Variants in VPS13A observed in about 807,000 individuals in gnomAD.
VPS13A encodes intermembrane lipid transfer protein VPS13A.
A neutral mutation model predicts 390.9 loss-of-function variants in VPS13A; 264 were observed. The ratio of observed to expected loss-of-function variants is 0.68; its 90% confidence interval spans 0.61 to 0.75. The LOEUF (loss-of-function observed/expected upper bound fraction) is 0.75. Ranked by LOEUF, VPS13A falls within the 30% of genes least tolerant of loss-of-function variation. VPS13A has a pLI of 0.00. For synonymous variants in VPS13A, 1,231 were observed against 1,227.1 expected (o/e 1.00, Z -0.07); for missense variants, 3,409 against 3,733.9 (o/e 0.91, Z 2.27).
chr9:77,252,867 A>G (rs1221072284), intron 22 of VPS13A, among the ~76,000 whole-genome samples: 1 of 152,132 alleles, frequency 6.6e-6, no homozygotes, highest in Non-Finnish European at 1.5e-5. Flanking sequence ...TGTTGTATAT[A>G]CTATGTTTTT....
chr9:77,186,498 C>T (rs1014615253), intron 1 of VPS13A, among the ~76,000 whole-genome samples: 3 of 151,878 alleles, frequency 2.0e-5, no homozygotes, highest in Non-Finnish European at 2.9e-5. Context: ...AGTGCAGTGG[C>T]GCAGTCTCTG....
rs77433197 is a variant in VPS13A at position 77,221,596 on chromosome 9, A to C, written c.1161+240A>C. On this transcript the variant is annotated intron_variant, in intron 13 of 71. Coordinates refer to ENST00000360280, the MANE Select transcript of VPS13A (RefSeq NM_033305.3). ...AATCGGAAGGAATTTGGGTTCATGC[A>C]AATAGTATGATTATGTCATTTTTAA... Among the ~76,000 whole-genome samples, 651 of 152,300 alleles carry C rather than the reference A, an allele frequency of 4.3e-3. 4 individuals carry two copies. Among genetic ancestry groups the C allele is most frequent in the African/African-American group, 0.014 (575 of 41,584 alleles).
intron 3 of VPS13A, among the ~76,000 whole-genome samples, chr9:77,202,899 T>A (rs1412725719): frequency 1.3e-5 from 2 of 152,166 alleles, no homozygotes; most frequent in Non-Finnish European, 2.9e-5. Flanking sequence ...CACTGTTTTT[T>A]CCCCCTTCTA....
intron 71 of VPS13A, among the ~76,000 whole-genome samples, chr9:77,413,843 A>C (rs995718850): frequency 6.6e-6 from 1 of 152,224 alleles, no homozygotes; most frequent in Admixed American, 6.5e-5. Flanking sequence ...CAATCTACTC[A>C]TCTGACAAAG....
Position 77,274,168 on chromosome 9 carries a change from G to A in VPS13A, c.2512+804G>A, listed in dbSNP as rs187210274. ...GGACCAGCCAGGCGCAGTGGCTCAT[G>A]CCTGTAATCCCAGCACTTTGGGAGG... On this transcript the variant is annotated intron_variant, in intron 24 of 71. Coordinates refer to ENST00000360280, the MANE Select transcript of VPS13A (RefSeq NM_033305.3). 2.6e-4 allele frequency among the ~76,000 whole-genome samples: 40 copies of A among 152,262 alleles called. 1 individual carries two copies. Among genetic ancestry groups the A allele is most frequent in the Non-Finnish European group, 7.4e-5 (5 of 68,012 alleles).
chr9:77,406,226 A>G (rs1248242639), intron 70 of VPS13A, among the ~76,000 whole-genome samples: 10 of 151,880 alleles, frequency 6.6e-5, no homozygotes, highest in African/African-American at 9.7e-5. Flanking sequence ...CCCTTGCTGT[A>G]TATTCAGTAA....
At chr9:77,340,341 T>C in intron 49 of VPS13A, 59 bp downstream of exon 49, 1 of 1,598,258 alleles carries the variant, frequency 6.3e-7, no homozygotes, top group Non-Finnish European at 8.6e-7. Context: ...ATTAACTACT[T>C]AATTAAATTT....
intron 45 of VPS13A, among the ~76,000 whole-genome samples, chr9:77,327,978 G>T (rs142096990): frequency 5.3e-4 from 80 of 152,210 alleles, no homozygotes; most frequent in South Asian, 3.7e-3. Context: ...ACTTTGCCCA[G>T]ATCCATCAGA....
rs73467940 is a variant in VPS13A at position 77,301,179 on chromosome 9, T to C, written c.3813-1736T>C. ...CAAAGGACAGAAATTTACTCAAAGATATATAGATGAAGATATAGATATAGA... is the reference window on the plus strand; with the variant it reads ...CAAAGGACAGAAATTTACTCAAAGACATATAGATGAAGATATAGATATAGA... On this transcript the variant is annotated intron_variant, in intron 33 of 71. Transcript: ENST00000360280. Among the ~76,000 whole-genome samples the C allele has an allele frequency of 7.9e-3, 1,198 of 152,274 alleles. 18 individuals are homozygous for C. The highest frequency in any genetic ancestry group is 0.027 in the African/African-American group (1,124 of 41,560).
At chr9:77,331,967 C>G in intron 45 of VPS13A, 43 bp from the exon 46 acceptor site, 1 of 1,369,742 alleles carries the variant, frequency 7.3e-7, no homozygotes, top group Non-Finnish European at 1.0e-6. Context: ...TCTTTAGATT[C>G]TTAGATTAAT....
chr9:77,326,916 T>C (rs1204527588), intron 45 of VPS13A, among the ~76,000 whole-genome samples: 1 of 152,158 alleles, frequency 6.6e-6, no homozygotes, highest in Admixed American at 6.6e-5. Flanking sequence ...GACACTCAGT[T>C]TTCCAGAATT....
rs773434698 is a variant in VPS13A at position 77,416,191 on chromosome 9, A to G, written c.*185A>G. ...AAAACCAGAATCAGGTAAAACAGCT[A>G]TGTGATTAAAATATTTTAATTCTTC... is the stretch of plus-strand genomic sequence containing the variant. On this transcript the variant is annotated 3_prime_UTR_variant, in exon 72 of 72. Coordinates refer to ENST00000360280, the MANE Select transcript of VPS13A (RefSeq NM_033305.3). The G allele has an allele frequency of 3.8e-4, 232 of 606,018 alleles. No homozygotes were observed. The highest frequency in any genetic ancestry group is 6.2e-4 in the Non-Finnish European group (214 of 342,452). 37.5% of individuals were successfully genotyped at this position (606,018 alleles called of 1,614,324 possible).
chr9:77,291,991 G>T (rs1827698671), intron 31 of VPS13A, among the ~76,000 whole-genome samples: 1 of 151,996 alleles, frequency 6.6e-6, no homozygotes, highest in South Asian at 2.1e-4. Flanking sequence ...TTTTATTCTT[G>T]TCCCTAGGAT....
intron 52 of VPS13A, among the ~76,000 whole-genome samples, chr9:77,347,449 G>A (rs903606849): frequency 2.6e-5 from 4 of 151,888 alleles, no homozygotes; most frequent in African/African-American, 4.8e-5. Flanking sequence ...ATTTTTATGC[G>A]TTGTTTTGTT....
chr9:77,371,842 C>T (rs1275815021), intron 67 of VPS13A, among the ~76,000 whole-genome samples: 1 of 126,474 alleles, frequency 7.9e-6, no homozygotes, highest in Non-Finnish European at 1.6e-5. Flanking sequence ...TGATATTCCC[C>T]TTCCTGTGTC....
chr9:77,317,217 G>A (rs1223973569), intron 39 of VPS13A, among the ~76,000 whole-genome samples: 1 of 152,006 alleles, frequency 6.6e-6, no homozygotes, highest in Non-Finnish European at 1.5e-5. Flanking sequence ...TAAGCAAAGA[G>A]AGAGAATAGA....
chr9:77,200,350 A>T (rs909277112), intron 2 of VPS13A, among the ~76,000 whole-genome samples: 14 of 152,062 alleles, frequency 9.2e-5, no homozygotes, highest in African/African-American at 2.4e-4. Context: ...TTCGCCAGGC[A>T]TGGTGGTGGA....
At chr9:77,350,636 A>G (rs1409190209) in intron 52 of VPS13A, among the ~76,000 whole-genome samples, 1 of 152,114 alleles carries the variant, frequency 6.6e-6, no homozygotes, top group Admixed American at 6.5e-5. Flanking sequence ...TGTGAGAGTA[A>G]CATTTTTATT....
chr9:77,241,420 A>G (rs117819860), intron 19 of VPS13A, among the ~76,000 whole-genome samples: 267 of 140,838 alleles, frequency 1.9e-3, no homozygotes, highest in Admixed American at 4.0e-3. Flanking sequence ...TTTCCCACGG[A>G]TATCTTTACA....
Sources: allele counts gnomAD v4.1 joint callset (sites outside exome capture counted in the v4.1 genomes callset), GRCh38; gene constraint gnomAD v4.1.1; transcripts MANE v1.5; gene names NCBI Gene and HGNC (gene_info 2026-07-23, HGNC 2026-07-21).